Variants in DNAH9 observed in about 807,000 individuals in gnomAD.
DNAH9 encodes the protein DNAH9 variant protein.
In DNAH9, 345 loss-of-function variants were observed where a neutral mutation model predicts 471.6. The ratio of observed to expected loss-of-function variants is 0.73; its 90% CI spans 0.67 to 0.80. The LOEUF is 0.80. Ranked by LOEUF, DNAH9 falls within the 30% of genes least tolerant of loss-of-function variation. DNAH9 has a pLI of 0.00. For missense variants in DNAH9, 5,407 were observed against 5,609.2 expected (o/e 0.96, Z 1.15); for synonymous variants, 2,093 against 2,123.6 (o/e 0.99, Z 0.40).
chr17:11,950,128 A>G (rs1975311311), intron 67 of DNAH9, among the ~76,000 whole-genome samples: 1 of 152,150 alleles, frequency 6.6e-6, no homozygotes. Context: ...AGGTATGGAG[A>G]TTTCCCATAC....
At chr17:11,764,077 G>A (rs927010227) in intron 36 of DNAH9, among the ~76,000 whole-genome samples, 3 of 152,058 alleles carry the variant, frequency 2.0e-5, no homozygotes, top group Non-Finnish European at 2.9e-5. Context: ...CTCCATACGC[G>A]CGAAACTCAA....
Position 11,623,817 on chromosome 17 carries a change from C to T in DNAH9, c.1350+4036C>T, listed in dbSNP as rs535818523. ...TTTATCTCTCTGCATGCTCTCGTCA[C>T]GGGTTAGAGTGTGAAGGGCTGGTTT... is the stretch of plus-strand genomic sequence containing the variant. On this transcript the variant is annotated intron_variant, in intron 6 of 68. Coordinates refer to ENST00000262442, the MANE Select transcript of DNAH9 (RefSeq NM_001372.4). The surrounding 1 kb of genome is among the most constrained non-coding windows in gnomAD (Gnocchi z 4.1). Among the ~76,000 whole-genome samples the T allele has an allele frequency of 3.9e-5, 6 of 152,278 alleles. No individual in the cohort carries two copies. The highest frequency in any genetic ancestry group is 1.9e-4 in the East Asian group (1 of 5,178).
At chr17:11,829,732 C>T (rs1016551083) in intron 48 of DNAH9, among the ~76,000 whole-genome samples, 1 of 152,202 alleles carries the variant, frequency 6.6e-6, no homozygotes, top group Non-Finnish European at 1.5e-5. Context: ...CTGGGCCTTC[C>T]AAAGTGCTGG....
intron 52 of DNAH9, 110 bp downstream of exon 52, chr17:11,871,896 C>G (rs1597768309): frequency 8.5e-7 from 1 of 1,179,592 alleles, no homozygotes; most frequent in East Asian, 2.4e-5. Flanking sequence ...CTCATCCCCA[C>G]CACCCCCTGA....
At chr17:11,879,733 A>G (rs1972639597) in intron 53 of DNAH9, among the ~76,000 whole-genome samples, 1 of 152,198 alleles carries the variant, frequency 6.6e-6, no homozygotes, top group South Asian at 2.1e-4. Flanking sequence ...CTGTAAAAAA[A>G]AACAGGTTAT....
chr17:11,844,176 G>A (rs1971134088), intron 49 of DNAH9, among the ~76,000 whole-genome samples: 1 of 151,486 alleles, frequency 6.6e-6, no homozygotes, highest in African/African-American at 2.4e-5. Flanking sequence ...TCTAAATGCA[G>A]AAACAAAGAA....
intron 11 of DNAH9, among the ~76,000 whole-genome samples, chr17:11,646,779 G>C (rs1445761396): frequency 6.6e-6 from 1 of 152,266 alleles, no homozygotes; most frequent in Non-Finnish European, 1.5e-5. Flanking sequence ...CAGGCGTGGT[G>C]GCACATGCCT....
intron 41 of DNAH9, among the ~76,000 whole-genome samples, chr17:11,788,393 A>G (rs182017299): frequency 2.0e-5 from 3 of 152,360 alleles, no homozygotes; most frequent in East Asian, 3.9e-4. Context: ...AGCCACAAGC[A>G]TACAACTTGG....
At chr17:11,906,701 G>A (rs1174578028) in intron 61 of DNAH9, among the ~76,000 whole-genome samples, 2 of 151,720 alleles carry the variant, frequency 1.3e-5, no homozygotes, top group South Asian at 4.2e-4. Flanking sequence ...AAAGGAATGA[G>A]ATCATGTCCT....
At position 11,894,366 on chromosome 17, in the gene DNAH9, C is replaced by T. The variant is rs769037053; in HGVS notation, c.11284-8C>T. On this transcript the variant is annotated splice_polypyrimidine_tract_variant and splice_region_variant and intron_variant, in intron 58 of 68. Transcript: ENST00000262442. ...AAAGAAATGCAGTATCATTTCTCCA[C>T]ATTGCAGATTCTCCTCATGAACCGA... 13 of 1,613,722 alleles carry T rather than the reference C, an allele frequency of 8.1e-6. No individual in the cohort carries two copies. Among genetic ancestry groups the T allele is most frequent in the Non-Finnish European group, 1.0e-5 (12 of 1,179,872 alleles).
rs749137867 is a variant in DNAH9, at chr17:11,807,773, C to T, written c.8462C>T (p.Ala2821Val). The T allele has an allele frequency of 5.6e-6, 9 of 1,613,552 alleles. No individual in the cohort carries two copies. The Admixed American group carries it at 1.0e-4, about 18-fold the overall frequency. Residue 2821 changes from alanine (A) to valine (V), a missense_variant, in exon 44 of 69, where the codon GCT (alanine) becomes GTT (valine). Ala to Val is a moderately conservative substitution (Grantham distance 64, BLOSUM62 0). Around this residue, in one of 3 missense-constraint regions of DNAH9, gnomAD observed 4,636 missense variants for 4,900.3 expected, o/e 0.95. Transcript: ENST00000262442. ...ATCTTGGAGTCCCCGCGGGGAAATG[C>T]TCTGCTGGTTGGTGTAGGTGGGAGC... ...NRILESPRGNALLVGVGGSGK... is the reference protein window; with the variant it reads ...NRILESPRGNVLLVGVGGSGK...
At chr17:11,690,964 G>A (rs1055823511) in intron 20 of DNAH9, among the ~76,000 whole-genome samples, 2 of 152,136 alleles carry the variant, frequency 1.3e-5, no homozygotes, top group Non-Finnish European at 2.9e-5. Flanking sequence ...CCCTGTGTTT[G>A]ATTGCCCCTT....
chr17:11,847,163 G>A (rs1054981924), intron 49 of DNAH9, among the ~76,000 whole-genome samples: 1 of 152,080 alleles, frequency 6.6e-6, no homozygotes, highest in East Asian at 1.9e-4. Context: ...TAGATTCTCT[G>A]TTCACCCTGT....
chr17:11,611,804 C>T (rs1400925485), intron 4 of DNAH9, 24 bp downstream of exon 4: 1 of 1,613,122 alleles, frequency 6.2e-7, no homozygotes, highest in African/African-American at 1.3e-5. Context: ...AGTGTTTTCA[C>T]AAATGTGTTT....
chr17:11,903,126 G>A (rs1459971331), intron 60 of DNAH9, among the ~76,000 whole-genome samples: 1 of 152,164 alleles, frequency 6.6e-6, no homozygotes, highest in East Asian at 1.9e-4. Context: ...GGATCACAAG[G>A]TCAGGAGTTC....
At chr17:11,693,237 CTTTTTTTT>C (rs776422086) in intron 20 of DNAH9, among the ~76,000 whole-genome samples, 5 of 77,440 alleles carry the variant, frequency 6.5e-5, no homozygotes, top group African/African-American at 2.2e-4. Flanking sequence ...TTAAAATGCC[CTTTTTTTT>C]TTTTTTTTTT....
At chr17:11,770,096 G>C (rs1332974890) in intron 38 of DNAH9, among the ~76,000 whole-genome samples, 1 of 152,152 alleles carries the variant, frequency 6.6e-6, no homozygotes, top group African/African-American at 2.4e-5. Flanking sequence ...GCTTTCCCAG[G>C]TGACACTGCA....
At chr17:11,757,955 A>C (rs1205573935) in intron 35 of DNAH9, among the ~76,000 whole-genome samples, 2 of 152,194 alleles carry the variant, frequency 1.3e-5, no homozygotes, top group African/African-American at 4.8e-5. Context: ...ATGTATGTGA[A>C]GGAGGCTGCG....
intron 32 of DNAH9, among the ~76,000 whole-genome samples, chr17:11,749,758 A>T (rs1458553185): frequency 1.3e-5 from 2 of 152,056 alleles, no homozygotes; most frequent in Non-Finnish European, 2.9e-5. Context: ...GAATTTAAAC[A>T]CCAGCTTGTC....
Sources: gnomAD v4.1 joint callset for allele counts (sites outside exome capture counted in the v4.1 genomes callset) on GRCh38, gnomAD v4.1.1 for gene constraint, gnomAD v4.1.1 regional missense constraint, Gnocchi (gnomAD v3.1) non-coding constraint, MANE v1.5 for transcripts, NCBI Gene and HGNC (gene_info 2026-07-23, HGNC 2026-07-21) for gene names.